FER: variants seen among roughly 807,000 people sequenced by gnomAD.
FER encodes tyrosine-protein kinase Fer.
Under a neutral mutation model 111.0 loss-of-function variants are expected in FER, and 63 were observed. That is an observed-to-expected ratio of 0.57 (90% CI 0.46 to 0.70). The LOEUF is 0.70. Among genes scored for constraint, FER ranks in the 30% least tolerant of loss-of-function variants. The probability of loss-of-function intolerance (pLI) is 0.00; values close to 1 mark genes in which losing one functional copy is unlikely to be tolerated. For missense variants in FER, 914 were observed against 954.0 expected (o/e 0.96, Z 0.55); for synonymous variants, 327 against 313.9 (o/e 1.04, Z -0.44).
chr5:108,831,547 C>T (rs968436151), intron 3 of FER, among the ~76,000 whole-genome samples: 145 of 151,992 alleles, frequency 9.5e-4, no homozygotes, highest in Non-Finnish European at 1.3e-3. Context: ...GTTTATAGGC[C>T]GCACATATGT....
intron 10 of FER, among the ~76,000 whole-genome samples, chr5:108,920,065 C>T (rs1218637340): frequency 1.3e-5 from 2 of 151,952 alleles, no homozygotes; most frequent in Admixed American, 6.6e-5. Context: ...CTACAGTCCC[C>T]TTATTATAGA....
intron 13 of FER, among the ~76,000 whole-genome samples, chr5:109,015,846 G>A (rs1304090064): frequency 1.3e-5 from 2 of 151,772 alleles, no homozygotes; most frequent in African/African-American, 2.4e-5. Context: ...TGTCAGCATC[G>A]TGTGCCTTTT....
At chr5:109,125,045 C>CAAAAAAAA (rs373849561) in intron 17 of FER, among the ~76,000 whole-genome samples, 7 of 75,610 alleles carry the variant, frequency 9.3e-5, no homozygotes, top group South Asian at 5.2e-4. Flanking sequence ...GACTCTGTCT[C>CAAAAAAAA]AAAAAAAAAA....
chr5:108,984,894 A>C (rs1224432437), intron 13 of FER, among the ~76,000 whole-genome samples: 1 of 152,140 alleles, frequency 6.6e-6, no homozygotes, highest in Non-Finnish European at 1.5e-5. Flanking sequence ...GTAAGAAAGA[A>C]TAAAATATAA....
At chr5:108,959,094 A>C (rs1051804148) in intron 12 of FER, 131 bp from the exon 13 acceptor site, 26 of 718,388 alleles carry the variant, frequency 3.6e-5, no homozygotes, top group Non-Finnish European at 5.3e-5. Context: ...GGTATAGTTC[A>C]GTAGTGTTAA....
At position 109,194,861 on chromosome 5, in the gene FER, C is replaced by T. The variant is rs1401128962; in HGVS notation, c.*7286C>T. 6.6e-6 allele frequency: 1 copy of T among 152,112 alleles called. No homozygotes were observed. The highest frequency in any genetic ancestry group is 1.5e-5 in the Non-Finnish European group (1 of 68,042). The allele number at this position is 152,112 out of a possible 1,614,324, so 9.4% of individuals were successfully genotyped here. On this transcript the variant is annotated 3_prime_UTR_variant, in exon 20 of 20. Transcript: ENST00000281092. ...TAACCTTGGTGTCTTCTTTGAGTTG[C>T]CTGGACAGTATTTATGAAACAAAAA... is the stretch of plus-strand genomic sequence containing the variant.
chr5:109,161,458 A>G (rs541802345), intron 17 of FER, among the ~76,000 whole-genome samples: 7 of 151,958 alleles, frequency 4.6e-5, no homozygotes, highest in African/African-American at 9.6e-5. Context: ...GTTCCCCTCT[A>G]TGTATCCATG....
intron 10 of FER, among the ~76,000 whole-genome samples, chr5:108,925,476 A>G (rs970371867): frequency 6.6e-6 from 1 of 152,144 alleles, no homozygotes; most frequent in African/African-American, 2.4e-5. Flanking sequence ...TAATAGGAAT[A>G]TAGCCCTATT....
chr5:109,028,310 T>C (rs1028902379), intron 13 of FER, among the ~76,000 whole-genome samples: 1 of 152,244 alleles, frequency 6.6e-6, no homozygotes, highest in Non-Finnish European at 1.5e-5. Context: ...ATAATTCATT[T>C]GCATAGAAAT....
At chr5:108,980,088 C>T (rs943005311) in intron 13 of FER, among the ~76,000 whole-genome samples, 24 of 151,950 alleles carry the variant, frequency 1.6e-4, no homozygotes, top group Non-Finnish European at 2.9e-4. Context: ...TCAATTGTTT[C>T]AATGAGGATG....
intron 1 of FER, among the ~76,000 whole-genome samples, chr5:108,766,212 ATGAG>A (rs1193840360): frequency 6.6e-6 from 1 of 152,234 alleles, no homozygotes; most frequent in African/African-American, 2.4e-5. Context: ...CATTACTGGC[ATGAG>A]CCACCTCATC....
chr5:108,754,354 C>G (rs1395348720), intron 1 of FER, among the ~76,000 whole-genome samples: 1 of 143,640 alleles, frequency 7.0e-6, no homozygotes, highest in Non-Finnish European at 1.5e-5. Flanking sequence ...CTGCATTGAG[C>G]TATGATTGCA....
chr5:108,995,722 A>C (rs1296575745), intron 13 of FER, among the ~76,000 whole-genome samples: 1 of 152,182 alleles, frequency 6.6e-6, no homozygotes, highest in Non-Finnish European at 1.5e-5. Context: ...GCTGCAATAA[A>C]ACATACGTGT....
chr5:108,879,697 A>ATATATATATATATATATAT lies in FER; in HGVS notation c.924-3699_924-3698insTATATATATATATATATAT, dbSNP rs1554084588. On this transcript the variant is annotated intron_variant, in intron 8 of 19. Coordinates refer to ENST00000281092, the MANE Select transcript of FER (RefSeq NM_005246.4). Reference sequence around the variant, plus strand: ...CCATATGTATTTTTTTTAGATTAAAAAAAAATATATATATATATATATATA... The same window carrying ATATATATATATATATATAT: ...CCATATGTATTTTTTTTAGATTAAAATATATATATATATATATATAAAAATATATATATATATATATATA... Among the ~76,000 whole-genome samples, 13 of 96,032 alleles carry ATATATATATATATATATAT rather than the reference A, an allele frequency of 1.4e-4. 1 individual carries two copies. The highest frequency in any genetic ancestry group is 6.7e-4 in the African/African-American group (11 of 16,298). 63.0% of individuals were successfully genotyped at this position (96,032 alleles called of 152,430 possible). A position where few individuals can be genotyped will look rare whatever the true frequency, so the allele number is the denominator to read the frequency against.
intron 13 of FER, among the ~76,000 whole-genome samples, chr5:108,972,275 G>C (rs1423721702): frequency 6.6e-6 from 1 of 151,960 alleles, no homozygotes; most frequent in Non-Finnish European, 1.5e-5. Context: ...GTAGGAGTGT[G>C]ACAGAGAGAA....
At chr5:109,052,334 C>A (rs1772953004) in intron 16 of FER, 2 of 1,599,290 alleles carry the variant, frequency 1.3e-6, no homozygotes, top group African/African-American at 1.3e-5. Flanking sequence ...CAGGCTGACT[C>A]AACCACTGTC....
intron 3 of FER, among the ~76,000 whole-genome samples, chr5:108,831,628 A>AT (rs1273432062): frequency 2.6e-5 from 4 of 152,178 alleles, no homozygotes; most frequent in Non-Finnish European, 5.9e-5. Context: ...AAAGGTTATT[A>AT]TTTTTTAAAA....
chr5:109,138,069 C>G (rs965428015), intron 17 of FER, among the ~76,000 whole-genome samples: 7 of 152,126 alleles, frequency 4.6e-5, no homozygotes, highest in Admixed American at 4.6e-4. Flanking sequence ...ACTAAAGAGA[C>G]TCATGCTTCA....
intron 9 of FER, among the ~76,000 whole-genome samples, chr5:108,885,176 T>A (rs575915698): frequency 7.4e-4 from 113 of 152,072 alleles, no homozygotes; most frequent in African/African-American, 2.5e-3. Context: ...CGTGGCCATG[T>A]AACCAATTGC....
Sources: gnomAD v4.1 joint callset for allele counts (sites outside exome capture counted in the v4.1 genomes callset) on GRCh38, gnomAD v4.1.1 for gene constraint, MANE v1.5 for transcripts, NCBI Gene and HGNC (gene_info 2026-07-23, HGNC 2026-07-21) for gene names.